PLD5: variants seen among roughly 807,000 people sequenced by gnomAD.
PLD5 encodes phospholipase D family member 5.
In PLD5, 36 loss-of-function variants were observed where a neutral mutation model predicts 61.1. The ratio of observed to expected loss-of-function variants is 0.59; its 90% CI spans 0.45 to 0.78. The LOEUF (loss-of-function observed/expected upper bound fraction) is 0.78. PLD5 is among the 30% of genes least tolerant of loss of function. PLD5 has a pLI of 0.00. For synonymous variants in PLD5, 243 were observed against 242.8 expected (o/e 1.00, Z -0.01); for missense variants, 515 against 644.4 (o/e 0.80, Z 2.17).
intron 5 of PLD5, among the ~76,000 whole-genome samples, chr1:242,162,713 A>C (rs1377008633): frequency 6.6e-6 from 1 of 152,186 alleles, no homozygotes; most frequent in Non-Finnish European, 1.5e-5. Flanking sequence ...TGATGCTAAA[A>C]AGCTACGAGA....
intron 1 of PLD5, among the ~76,000 whole-genome samples, chr1:242,513,865 C>T (rs1179322908): frequency 6.6e-6 from 1 of 152,220 alleles, no homozygotes; most frequent in African/African-American, 2.4e-5. Flanking sequence ...AATGAATGAG[C>T]TTGCTCAGAC....
intron 2 of PLD5, among the ~76,000 whole-genome samples, chr1:242,316,820 G>C (rs7515709): frequency 0.79 from 117,737 of 148,784 alleles, 46,677 homozygotes; most frequent in Middle Eastern, 0.87. Flanking sequence ...TCGTGTCCCT[G>C]TGTTCTCATC....
intron 6 of PLD5, among the ~76,000 whole-genome samples, chr1:242,119,078 C>T (rs984851682): frequency 1.3e-5 from 2 of 152,142 alleles, no homozygotes; most frequent in Admixed American, 6.5e-5. Context: ...AATATTCCAG[C>T]TCTGTGGCAA....
chr1:242,153,257 G>T (rs1665082372), intron 5 of PLD5, among the ~76,000 whole-genome samples: 1 of 151,974 alleles, frequency 6.6e-6, no homozygotes, highest in African/African-American at 2.4e-5. Context: ...TTAGCCCTTT[G>T]TCAGATGGAT....
At chr1:242,448,806 G>A (rs1281843702) in intron 1 of PLD5, among the ~76,000 whole-genome samples, 2 of 152,058 alleles carry the variant, frequency 1.3e-5, no homozygotes, top group Non-Finnish European at 2.9e-5. Context: ...GAAAACTTGG[G>A]CTCCTGTTGT....
chr1:242,410,411 A>AT (rs35726840), intron 1 of PLD5, among the ~76,000 whole-genome samples: 62 of 151,294 alleles, frequency 4.1e-4, no homozygotes, highest in African/African-American at 9.7e-4. Context: ...ATATAATGCC[A>AT]TTTTTTTTTT....
At chr1:242,213,258 T>C (rs1293644849) in intron 5 of PLD5, among the ~76,000 whole-genome samples, 1 of 152,188 alleles carries the variant, frequency 6.6e-6, no homozygotes, top group Non-Finnish European at 1.5e-5. Flanking sequence ...GGAAAGTGCT[T>C]CCTCAAGGAA....
chr1:242,399,815 C>A, intron 1 of PLD5, among the ~76,000 whole-genome samples: 1 of 152,138 alleles, frequency 6.6e-6, no homozygotes, highest in Admixed American at 6.5e-5. Flanking sequence ...ATTACATTAC[C>A]ACGGGAGCGC....
intron 2 of PLD5, among the ~76,000 whole-genome samples, chr1:242,329,111 T>C (rs534700775): frequency 2.0e-4 from 31 of 152,134 alleles, no homozygotes; most frequent in Admixed American, 1.9e-3. Context: ...CAAGTTCAAG[T>C]GATTCTCTCG....
At chr1:242,244,326 A>C (rs902628300) in intron 4 of PLD5, among the ~76,000 whole-genome samples, 9 of 152,206 alleles carry the variant, frequency 5.9e-5, no homozygotes, top group Non-Finnish European at 8.8e-5. Context: ...GAGGTGATCC[A>C]GGAAGACTTG....
intron 9 of PLD5, among the ~76,000 whole-genome samples, chr1:242,094,171 G>T (rs1354798485): frequency 6.6e-6 from 1 of 151,770 alleles, no homozygotes; most frequent in Non-Finnish European, 1.5e-5. Context: ...TGCATGCTGA[G>T]GCCCCAGTTG....
chr1:242,103,920 G>A (rs1660861794), intron 8 of PLD5, among the ~76,000 whole-genome samples: 1 of 152,174 alleles, frequency 6.6e-6, no homozygotes, highest in Non-Finnish European at 1.5e-5. Context: ...AAACACAGGT[G>A]AGAAGCATTG....
At chr1:242,148,584 CATT>C (rs1036884849) in intron 5 of PLD5, among the ~76,000 whole-genome samples, 3 of 151,884 alleles carry the variant, frequency 2.0e-5, no homozygotes, top group African/African-American at 7.3e-5. Flanking sequence ...GGGTAAGTAA[CATT>C]ATAACAATAT....
At chr1:242,110,918 A>C (rs1661435615) in intron 7 of PLD5, among the ~76,000 whole-genome samples, 2 of 152,212 alleles carry the variant, frequency 1.3e-5, no homozygotes, top group South Asian at 4.1e-4. Flanking sequence ...CACATTTACT[A>C]ATTTCCTTGT....
upstream of PLD5, among the ~76,000 whole-genome samples, chr1:242,527,238 C>T (rs1361812640): frequency 6.8e-6 from 1 of 147,958 alleles, no homozygotes; most frequent in African/African-American, 2.5e-5. Flanking sequence ...TCAAGCAATT[C>T]TCATGCCTCA....
intron 5 of PLD5, among the ~76,000 whole-genome samples, chr1:242,195,047 A>G (rs1261044052): frequency 2.6e-5 from 4 of 152,202 alleles, no homozygotes; most frequent in Non-Finnish European, 4.4e-5. Flanking sequence ...AAAATAAAAA[A>G]CAGAGATAAC....
chr1:242,530,021 G>A, the PLD5 span, among the ~76,000 whole-genome samples: 2 of 152,062 alleles, frequency 1.3e-5, no homozygotes, highest in African/African-American at 4.8e-5. Context: ...GGTGCCCAGA[G>A]TAACTGAGAT....
At chr1:242,516,277 T>TATAC (rs1200472595) in intron 1 of PLD5, among the ~76,000 whole-genome samples, 106 of 64,428 alleles carry the variant, frequency 1.6e-3, no homozygotes, top group East Asian at 5.4e-3. Context: ...TATATATATA[T>TATAC]ATACATATTC....
At chr1:242,331,556 A>G (rs1166479426) in intron 2 of PLD5, among the ~76,000 whole-genome samples, 2 of 152,204 alleles carry the variant, frequency 1.3e-5, no homozygotes, top group African/African-American at 4.8e-5. Context: ...CCCAAGACAG[A>G]ATGAAAACTG....
Sources: gnomAD v4.1 joint callset for allele counts (sites outside exome capture counted in the v4.1 genomes callset) on GRCh38, gnomAD v4.1.1 for gene constraint, MANE v1.5 for transcripts, NCBI Gene and HGNC (gene_info 2026-07-23, HGNC 2026-07-21) for gene names.